The following ARHGAP42 variants were observed in gnomAD, a reference collection of about 807,000 sequenced individuals.
ARHGAP42 encodes the protein Rho GTPase activating protein 42, also known as rho GTPase-activating protein 42.
A neutral mutation model predicts 125.0 loss-of-function variants in ARHGAP42; 63 were observed. That is an observed-to-expected ratio of 0.50 (90% CI 0.41 to 0.62). The LOEUF (loss-of-function observed/expected upper bound fraction) is 0.62, where lower values mean the gene tolerates loss of function less well. Among genes scored for constraint, ARHGAP42 ranks in the 20% least tolerant of loss-of-function variants. ARHGAP42 has a pLI of 0.00. For synonymous variants in ARHGAP42, 339 were observed against 351.0 expected (o/e 0.97, Z 0.38); for missense variants, 766 against 1,024.2 (o/e 0.75, Z 3.44).
intron 4 of ARHGAP42, among the ~76,000 whole-genome samples, chr11:100,873,841 T>C (rs1429565295): frequency 3.3e-5 from 5 of 152,118 alleles, no homozygotes; most frequent in Non-Finnish European, 7.4e-5. Context: ...ACGCAGGCAG[T>C]TTAACTCTAA....
intron 3 of ARHGAP42, among the ~76,000 whole-genome samples, chr11:100,805,129 C>A (rs1412116959): frequency 2.0e-5 from 3 of 152,150 alleles, no homozygotes; most frequent in African/African-American, 7.2e-5. Flanking sequence ...TTAATATACC[C>A]ATTTCAAAGT....
rs1858890738 is a variant in ARHGAP42, at chr11:100,993,296, C to T, written c.*4495C>T. Reference sequence around the variant, plus strand: ...TAAAGATGCATTTTATATAAAAATGCACACCTTTAATCTCTATATGGCAGC... The same window carrying T: ...TAAAGATGCATTTTATATAAAAATGTACACCTTTAATCTCTATATGGCAGC... On this transcript the variant is annotated 3_prime_UTR_variant, in exon 24 of 24. Transcript: ENST00000298815. 1 of 166,872 alleles carries T rather than the reference C, an allele frequency of 6.0e-6. No individual in the cohort carries two copies. The highest frequency in any genetic ancestry group is 2.4e-5 in the African/African-American group (1 of 41,344). The allele number at this position is 166,872 out of a possible 1,614,324, so 10.3% of individuals were successfully genotyped here. A position where few individuals can be genotyped will look rare whatever the true frequency, so the allele number is the denominator to read the frequency against.
In ARHGAP42 at chr11:100,992,212, T is replaced by C. The variant is rs1858848228; in HGVS notation, c.*3411T>C. The C allele has an allele frequency of 7.3e-7, 1 of 1,372,542 alleles. No individual in the cohort carries two copies. Among genetic ancestry groups the C allele is most frequent in the African/African-American group, 1.5e-5 (1 of 68,626 alleles). The allele number at this position is 1,372,542 out of a possible 1,614,324, so 85.0% of individuals were successfully genotyped here. A position where few individuals can be genotyped will look rare whatever the true frequency, so the allele number is the denominator to read the frequency against. On this transcript the variant is annotated 3_prime_UTR_variant, in exon 24 of 24. Coordinates refer to ENST00000298815, the MANE Select transcript of ARHGAP42 (RefSeq NM_152432.4). ...CTTCTTTAGCATTTAGAACCCCAACTAGACTTATACTTTGACTAAAGTCAG... is the reference window on the plus strand; with the variant it reads ...CTTCTTTAGCATTTAGAACCCCAACCAGACTTATACTTTGACTAAAGTCAG...
At chr11:100,728,969 A>G (rs1328968586) in intron 1 of ARHGAP42, among the ~76,000 whole-genome samples, 2 of 151,692 alleles carry the variant, frequency 1.3e-5, no homozygotes, top group East Asian at 1.9e-4. Context: ...GGGTTTTGCC[A>G]TGTTGGCCAG....
At chr11:100,903,035 C>T (rs965835589) in intron 4 of ARHGAP42, among the ~76,000 whole-genome samples, 5 of 151,388 alleles carry the variant, frequency 3.3e-5, no homozygotes, top group African/African-American at 9.7e-5. Context: ...GCTGCTGTGG[C>T]CAGGTCAGCT....
intron 2 of ARHGAP42, among the ~76,000 whole-genome samples, chr11:100,777,229 T>C (rs1021239681): frequency 6.6e-6 from 1 of 152,182 alleles, no homozygotes; most frequent in African/African-American, 2.4e-5. Flanking sequence ...CACAGGGGCT[T>C]TACTATGTCT....
intron 3 of ARHGAP42, among the ~76,000 whole-genome samples, chr11:100,830,673 G>A (rs1266820406): frequency 6.6e-6 from 1 of 152,076 alleles, no homozygotes; most frequent in African/African-American, 2.4e-5. Flanking sequence ...TTGTTGCTGG[G>A]GTAGGATTTC....
chr11:100,830,448 T>C (rs1864638595), intron 3 of ARHGAP42, among the ~76,000 whole-genome samples: 1 of 152,160 alleles, frequency 6.6e-6, no homozygotes, highest in Admixed American at 6.6e-5. Context: ...GAGAACAGAA[T>C]GATTGCTTCT....
intron 3 of ARHGAP42, among the ~76,000 whole-genome samples, chr11:100,801,081 G>T (rs1167189204): frequency 6.6e-6 from 1 of 152,162 alleles, no homozygotes; most frequent in East Asian, 1.9e-4. Context: ...GCTCCAGAGA[G>T]CATTTCCTTT....
chr11:100,762,042 A>G (rs17095407), intron 1 of ARHGAP42, among the ~76,000 whole-genome samples: 5,670 of 152,328 alleles, frequency 0.037, 110 homozygotes, highest in African/African-American at 0.07. Context: ...AGTCTGTGAC[A>G]TAAAAGAATG....
At chr11:100,786,843 GT>G (rs1031267025) in intron 2 of ARHGAP42, among the ~76,000 whole-genome samples, 1 of 152,102 alleles carries the variant, frequency 6.6e-6, no homozygotes, top group African/African-American at 2.4e-5. Flanking sequence ...CTGTGATATG[GT>G]TTGGCTCTGT....
intron 1 of ARHGAP42, among the ~76,000 whole-genome samples, chr11:100,754,419 C>G (rs1862527237): frequency 6.6e-6 from 1 of 152,158 alleles, no homozygotes; most frequent in African/African-American, 2.4e-5. Context: ...TTCTCAGAAA[C>G]CAACTGGTAC....
chr11:100,881,529 C>A (rs1230549935), intron 4 of ARHGAP42, among the ~76,000 whole-genome samples: 1 of 152,052 alleles, frequency 6.6e-6, no homozygotes, highest in Non-Finnish European at 1.5e-5. Flanking sequence ...CAGATTTGTT[C>A]TTTTTGCTTA....
intron 1 of ARHGAP42, among the ~76,000 whole-genome samples, chr11:100,721,976 C>T (rs1861766204): frequency 6.6e-6 from 1 of 152,084 alleles, no homozygotes; most frequent in Non-Finnish European, 1.5e-5. Context: ...AGTATGGTTG[C>T]TGGATCATAT....
rs548628745 is a variant in ARHGAP42 at position 100,778,261 on chromosome 11, C to T, written c.250+7823C>T. The stretch of plus-strand genomic sequence containing the variant: ...TTAGGAAAAATTTCTAAACCAAAGG[C>T]AATGCCATTATCAACCACAGCTGAA... On this transcript the variant is annotated intron_variant, in intron 2 of 23. Coordinates refer to ENST00000298815, the MANE Select transcript of ARHGAP42 (RefSeq NM_152432.4). Among the ~76,000 whole-genome samples, 3 of 151,974 alleles carry T rather than the reference C, an allele frequency of 2.0e-5. No individual in the cohort carries two copies. In the South Asian group the frequency reaches 6.2e-4, roughly 32 times the overall value.
intron 1 of ARHGAP42, among the ~76,000 whole-genome samples, chr11:100,719,028 T>C (rs561414606): frequency 6.6e-6 from 1 of 152,318 alleles, no homozygotes; most frequent in South Asian, 2.1e-4. Flanking sequence ...TACAATTCCT[T>C]AATAGATTGG....
At chr11:100,822,792 T>G (rs548743101) in intron 3 of ARHGAP42, among the ~76,000 whole-genome samples, 1 of 152,310 alleles carries the variant, frequency 6.6e-6, no homozygotes, top group South Asian at 2.1e-4. Flanking sequence ...AGGTAATTAC[T>G]TATGACCAAA....
chr11:100,834,564 G>A (rs927659678), intron 3 of ARHGAP42, among the ~76,000 whole-genome samples: 9 of 152,240 alleles, frequency 5.9e-5, no homozygotes, highest in East Asian at 1.9e-4. Flanking sequence ...AGCAGAATTC[G>A]AGAGACATAG....
chr11:100,950,757 G>T (rs1857630541), intron 12 of ARHGAP42, among the ~76,000 whole-genome samples: 1 of 152,002 alleles, frequency 6.6e-6, no homozygotes, highest in Non-Finnish European at 1.5e-5. Context: ...TGTTTCTAGG[G>T]TTATGTATAT....
Sources: allele counts gnomAD v4.1 joint callset (sites outside exome capture counted in the v4.1 genomes callset), GRCh38; gene constraint gnomAD v4.1.1; transcripts MANE v1.5; gene names NCBI Gene and HGNC (gene_info 2026-07-23, HGNC 2026-07-21).